Variants in LIMCH1 observed in about 807,000 individuals in gnomAD.
LIMCH1 encodes LIM and calponin homology domains-containing protein 1.
In LIMCH1, 113 loss-of-function variants were observed where a neutral mutation model predicts 176.5. The observed-to-expected ratio is 0.64, with a 90% confidence interval of 0.55 to 0.75. LIMCH1 has a LOEUF of 0.75. Ranked by LOEUF, LIMCH1 falls within the 30% of genes least tolerant of loss-of-function variation. The pLI, the probability that LIMCH1 is intolerant of heterozygous loss-of-function variation, is 0.00. For missense variants in LIMCH1, 1,674 were observed against 1,814.9 expected (o/e 0.92, Z 1.41); for synonymous variants, 619 against 645.9 (o/e 0.96, Z 0.63).
chr4:41,635,346 G>A (rs1421419543), intron 13 of LIMCH1, among the ~76,000 whole-genome samples: 2 of 151,880 alleles, frequency 1.3e-5, no homozygotes, highest in Non-Finnish European at 2.9e-5. Flanking sequence ...TTATGCCTCA[G>A]CCTCCTGAAT....
chr4:41,487,094 C>T (rs959724040), intron 1 of LIMCH1, among the ~76,000 whole-genome samples: 1 of 151,906 alleles, frequency 6.6e-6, no homozygotes, highest in African/African-American at 2.4e-5. Flanking sequence ...CTCTTGACCT[C>T]GTGATCCACC....
At chr4:41,655,996 G>A (rs1275264447) in intron 18 of LIMCH1, among the ~76,000 whole-genome samples, 5 of 152,262 alleles carry the variant, frequency 3.3e-5, no homozygotes, top group Admixed American at 3.3e-4. Context: ...CGTAGCCCAT[G>A]CTCTGCCTCC....
At chr4:41,403,515 AG>A (rs2058675082) in intron 1 of LIMCH1, among the ~76,000 whole-genome samples, 2 of 152,180 alleles carry the variant, frequency 1.3e-5, no homozygotes, top group Admixed American at 6.5e-5. Context: ...CAGGAGGTGG[AG>A]GTTGCAGTGA....
chr4:41,423,101 T>C (rs1397086627), intron 1 of LIMCH1, among the ~76,000 whole-genome samples: 1 of 152,158 alleles, frequency 6.6e-6, no homozygotes, highest in Admixed American at 6.5e-5. Context: ...GCAGCCACAA[T>C]GAAATCAATG....
chr4:41,360,398 T>C (rs937872865), upstream of LIMCH1, among the ~76,000 whole-genome samples: 2 of 151,870 alleles, frequency 1.3e-5, no homozygotes, highest in Admixed American at 1.3e-4. This position sits in a 1 kb window ranked among gnomAD's most constrained non-coding sequence, Gnocchi z 4.5. Context: ...TCCCATATGA[T>C]GCCAGACCCA....
intron 1 of LIMCH1, among the ~76,000 whole-genome samples, chr4:41,397,276 A>G (rs140246687): frequency 1.4e-4 from 22 of 152,288 alleles, no homozygotes; most frequent in African/African-American, 5.1e-4. Flanking sequence ...TGAAATTAGT[A>G]TGTTCTGAGC....
intron 2 of LIMCH1, among the ~76,000 whole-genome samples, chr4:41,521,768 A>G (rs934515761): frequency 6.6e-6 from 1 of 152,146 alleles, no homozygotes; most frequent in African/African-American, 2.4e-5. Flanking sequence ...ATTGTGAGAG[A>G]AATCATAGTT....
chr4:41,575,202 C>G (rs539440911), intron 1 of LIMCH1, among the ~76,000 whole-genome samples: 22 of 152,272 alleles, frequency 1.4e-4, no homozygotes, highest in African/African-American at 5.1e-4. Flanking sequence ...GACCAGATAG[C>G]ATTTTTTTAA....
upstream of LIMCH1, among the ~76,000 whole-genome samples, chr4:41,537,976 C>T (rs866148159): frequency 2.0e-5 from 3 of 152,134 alleles, no homozygotes; most frequent in Admixed American, 1.3e-4. Context: ...TCCAGATTTC[C>T]TGACAGTACT....
chr4:41,553,600 C>T (rs530490858), intron 1 of LIMCH1, among the ~76,000 whole-genome samples: 34 of 152,098 alleles, frequency 2.2e-4, no homozygotes, highest in South Asian at 1.5e-3. Flanking sequence ...TGGTAAAGGA[C>T]GTGGGATCCC....
upstream of LIMCH1, among the ~76,000 whole-genome samples, chr4:41,537,881 C>A (rs571621947): frequency 6.6e-6 from 1 of 152,264 alleles, no homozygotes; most frequent in East Asian, 1.9e-4. Flanking sequence ...AGTGACTTGC[C>A]TGGAGTCAGG....
intron 1 of LIMCH1, among the ~76,000 whole-genome samples, chr4:41,368,850 C>T (rs180736970): frequency 3.0e-4 from 46 of 152,194 alleles, no homozygotes; most frequent in African/African-American, 6.0e-4. Context: ...AAGAAAAATG[C>T]GGAGAGGACT....
intron 4 of LIMCH1, among the ~76,000 whole-genome samples, chr4:41,606,555 T>C (rs1051802078): frequency 6.6e-6 from 1 of 152,204 alleles, no homozygotes; most frequent in Non-Finnish European, 1.5e-5. Flanking sequence ...GGAAAACATT[T>C]CATACATTGT....
At position 41,408,993 on chromosome 4, in the gene LIMCH1, A is replaced by G. The variant is rs28458376; in HGVS notation, c.96+48057A>G. Among the ~76,000 whole-genome samples the G allele has an allele frequency of 4.3e-3, 652 of 152,272 alleles. 7 individuals are homozygous for G. The highest frequency in any genetic ancestry group is 0.015 in the African/African-American group (607 of 41,550). On this transcript the variant is annotated intron_variant, in intron 1 of 26. Coordinates refer to the LIMCH1 transcript ENST00000313860. Reference sequence around the variant, plus strand: ...CAATGACACAGAATTATTTGCAGCTATATCCTGATTTGAAGTAGTTTATAA... The same window carrying G: ...CAATGACACAGAATTATTTGCAGCTGTATCCTGATTTGAAGTAGTTTATAA...
At chr4:41,675,197 A>G (rs2095174916) in intron 22 of LIMCH1, among the ~76,000 whole-genome samples, 1 of 152,212 alleles carries the variant, frequency 6.6e-6, no homozygotes, top group South Asian at 2.1e-4. Flanking sequence ...CATTGCCCAC[A>G]GCCTGGCCTG....
At chr4:41,363,683 C>G (rs749755548) in intron 1 of LIMCH1, among the ~76,000 whole-genome samples, 1 of 152,110 alleles carries the variant, frequency 6.6e-6, no homozygotes, top group African/African-American at 2.4e-5. Context: ...GGAAATGTGG[C>G]CTGGGAACGA....
chr4:41,695,845 T>C (rs1730218774), intron 31 of LIMCH1, among the ~76,000 whole-genome samples: 1 of 152,154 alleles, frequency 6.6e-6, no homozygotes, highest in South Asian at 2.1e-4. Flanking sequence ...GGGATTATAA[T>C]TTGGATTGAG....
intron 1 of LIMCH1, among the ~76,000 whole-genome samples, chr4:41,424,350 G>A (rs1323735756): frequency 6.6e-6 from 1 of 152,190 alleles, no homozygotes; most frequent in African/African-American, 2.4e-5. Context: ...TTAGAAGTCA[G>A]TGGAATGAAA....
intron 1 of LIMCH1, among the ~76,000 whole-genome samples, chr4:41,595,049 G>T (rs1223769405): frequency 6.6e-6 from 1 of 152,174 alleles, no homozygotes; most frequent in Non-Finnish European, 1.5e-5. Flanking sequence ...GTCACTCGTT[G>T]GTTTGGAGTT....
Sources: gnomAD v4.1 joint callset for allele counts (sites outside exome capture counted in the v4.1 genomes callset) on GRCh38, gnomAD v4.1.1 for gene constraint, Gnocchi (gnomAD v3.1) non-coding constraint, MANE v1.5 for transcripts, NCBI Gene and HGNC (gene_info 2026-07-23, HGNC 2026-07-21) for gene names.